DOK7: variants seen among roughly 807,000 people sequenced by gnomAD.
The protein encoded by DOK7 is protein Dok-7.
Under a neutral mutation model 30.7 loss-of-function variants are expected in DOK7, and 32 were observed. The ratio of observed to expected loss-of-function variants is 1.04; its 90% confidence interval spans 0.79 to 1.40. DOK7 has a LOEUF of 1.40. Among genes scored for constraint, DOK7 ranks in the 40% most tolerant of loss-of-function variants. DOK7 has a pLI of 0.00. For synonymous variants in DOK7, 447 were observed against 324.1 expected (o/e 1.38, Z -4.07); for missense variants, 1,007 against 699.2 (o/e 1.44, Z -4.97).
In DOK7 at chr4:3,463,440, G is replaced by T; in HGVS notation, c.54+11G>T. The T allele has an allele frequency of 7.1e-7, 1 of 1,417,238 alleles. No individual in the cohort carries two copies. The highest frequency in any genetic ancestry group is 9.1e-7 in the Non-Finnish European group (1 of 1,096,996). 87.8% of individuals were successfully genotyped at this position (1,417,238 alleles called of 1,614,324 possible). A position where few individuals can be genotyped will look rare whatever the true frequency, so the allele number is the denominator to read the frequency against. ...CGGGACGGCAAGAAGGTCGGGGCGC[G>T]TCGGGGGCGCGGGGGGGGGGGGCGC... is the stretch of plus-strand genomic sequence containing the variant. On this transcript the variant is annotated intron_variant, in intron 1 of 6. Coordinates refer to ENST00000340083, the MANE Select transcript of DOK7 (RefSeq NM_173660.5).
intron 6 of DOK7, 43 bp from the exon 7 acceptor site, chr4:3,492,716 C>G (rs764908663): frequency 1.3e-6 from 2 of 1,587,946 alleles, no homozygotes; most frequent in Admixed American, 3.4e-5. Context: ...CTGCCCAGAC[C>G]CCTGTACCCC....
intron 6 of DOK7, among the ~76,000 whole-genome samples, chr4:3,491,809 G>A (rs1728482011): frequency 2.0e-5 from 3 of 152,238 alleles, no homozygotes. Context: ...CCATTGTGGG[G>A]AGAGGTGGTG....
intron 4 of DOK7, among the ~76,000 whole-genome samples, chr4:3,483,887 T>C (rs930094086): frequency 1.3e-5 from 2 of 152,164 alleles, no homozygotes; most frequent in African/African-American, 4.8e-5. Flanking sequence ...GGCTCTCTTC[T>C]GCCCACCCTA....
intron 5 of DOK7, among the ~76,000 whole-genome samples, chr4:3,489,177 C>T (rs1265936106): frequency 6.6e-6 from 1 of 152,098 alleles, no homozygotes; most frequent in East Asian, 1.9e-4. Context: ...GAGCCTTGGG[C>T]ACAGTATGAG....
intron 3 of DOK7, 41 bp from the exon 4 acceptor site, chr4:3,476,301 C>T: frequency 6.4e-7 from 1 of 1,559,816 alleles, no homozygotes; most frequent in East Asian, 2.3e-5. Context: ...GTCCTCTCAC[C>T]CTGCCCGCCC....
At chr4:3,471,259 C>T (rs906769868) in intron 2 of DOK7, among the ~76,000 whole-genome samples, 9 of 152,262 alleles carry the variant, frequency 5.9e-5, no homozygotes. Context: ...GCAGATGGTC[C>T]TTACGGCATT....
intron 3 of DOK7, among the ~76,000 whole-genome samples, chr4:3,475,088 T>G (rs1044140010): frequency 6.6e-6 from 1 of 152,032 alleles, no homozygotes; most frequent in Admixed American, 6.6e-5. Flanking sequence ...CCTGCTCCAT[T>G]GAGTGGGGAG....
At chr4:3,463,632 C>A in intron 2 of DOK7, 81 bp downstream of exon 2, 1 of 1,481,070 alleles carries the variant, frequency 6.8e-7, no homozygotes, top group Non-Finnish European at 9.1e-7. Flanking sequence ...TGCCAGCTTG[C>A]CCAAAATCGC....
intron 3 of DOK7, among the ~76,000 whole-genome samples, chr4:3,474,035 AG>A (rs1425219684): frequency 7.7e-6 from 1 of 130,422 alleles, no homozygotes; most frequent in Non-Finnish European, 1.6e-5. Flanking sequence ...ACAGGATGGG[AG>A]GGAGGGAGGG....
At chr4:3,484,224 C>A (rs975440565) in intron 4 of DOK7, among the ~76,000 whole-genome samples, 4 of 152,240 alleles carry the variant, frequency 2.6e-5, no homozygotes, top group African/African-American at 9.6e-5. Context: ...GAAGCATCCA[C>A]AGCACAAGGT....
intron 4 of DOK7, among the ~76,000 whole-genome samples, chr4:3,483,320 A>G (rs1727547415): frequency 7.6e-6 from 1 of 131,866 alleles, no homozygotes; most frequent in African/African-American, 2.6e-5. Flanking sequence ...GAGCATTCCC[A>G]AGACCGGGGG....
At chr4:3,474,020 C>G (rs532137362) in intron 3 of DOK7, among the ~76,000 whole-genome samples, 255 of 151,924 alleles carry the variant, frequency 1.7e-3, no homozygotes, top group East Asian at 0.011. Flanking sequence ...CAGCTTCCCC[C>G]CAAAACAGGA....
exon 8 of DOK7, chr4:3,500,934 A>G (rs970644538): frequency 5.6e-6 from 8 of 1,416,570 alleles, no homozygotes; most frequent in African/African-American, 2.9e-5. Context: ...GGGAGCTCCC[A>G]GTCGCAGGAG....
chr4:3,481,442 G>T (rs141122731), intron 4 of DOK7, among the ~76,000 whole-genome samples: 1 of 133,004 alleles, frequency 7.5e-6, no homozygotes, highest in African/African-American at 3.4e-5. Context: ...GCCCGGGAAG[G>T]GGGGGCCTTC....
At chr4:3,484,673 G>A (rs886363123) in intron 4 of DOK7, 1 of 985,522 alleles carries the variant, frequency 1.0e-6, no homozygotes, top group South Asian at 4.7e-5. Context: ...GTCCCTGGGG[G>A]CCCTCCTGCT....
chr4:3,495,593 G>A (rs1295107021), downstream of DOK7, among the ~76,000 whole-genome samples: 1 of 152,234 alleles, frequency 6.6e-6, no homozygotes, highest in African/African-American at 2.4e-5. Flanking sequence ...CGGCAGCCCA[G>A]GGTCTCCAGC....
At chr4:3,489,615 G>A (rs1451091116) in intron 5 of DOK7, 62 bp from the exon 6 acceptor site, 3 of 1,552,228 alleles carry the variant, frequency 1.9e-6, no homozygotes, top group East Asian at 2.4e-5. Flanking sequence ...TGGGCCTGGT[G>A]CCTGCGGGCG....
At position 3,493,308 on chromosome 4, in the gene DOK7, G is replaced by T; in HGVS notation, c.1322G>T (p.Gly441Val). ...ARDSGGQTSA[G>V]CPSGWLGTRR... ...GACTCAGGCGGCCAGACGTCCGCCG[G>T]GTGTCCCTCTGGCTGGCTGGGCACG... The change falls in exon 7 of 7, where the codon GGG (glycine) becomes GTG (valine). Residue 441 changes from glycine to valine, a missense_variant. Transcript: ENST00000340083. The T allele has an allele frequency of 3.1e-6, 5 of 1,606,046 alleles. No homozygotes were observed. The highest frequency in any genetic ancestry group is 4.2e-6 in the Non-Finnish European group (5 of 1,176,756).
Position 3,493,122 on chromosome 4 carries a change from G to T in DOK7, c.1136G>T (p.Gly379Val). Residue 379 changes from glycine to valine, a missense_variant, in exon 7 of 7, where the codon GGG becomes GTG. Physicochemically the swap from Gly to Val is moderately radical, Grantham distance 109. Transcript: ENST00000340083. ...TCACTGCTCAGCCTGCCAGCAGCGG[G>T]GGCCCCCGAGCCCAGCCTGTGCACC... The part of the protein sequence containing the change: ...LGSLLSLPAA[G>V]APEPSLCTCL... 6.3e-7 allele frequency: 1 copy of T among 1,592,634 alleles called. No individual in the cohort carries two copies. The highest frequency in any genetic ancestry group is 8.5e-7 in the Non-Finnish European group (1 of 1,172,580).
Sources: allele counts gnomAD v4.1 joint callset (sites outside exome capture counted in the v4.1 genomes callset), GRCh38; gene constraint gnomAD v4.1.1; transcripts MANE v1.5; gene names NCBI Gene and HGNC (gene_info 2026-07-23, HGNC 2026-07-21).